The following HS3ST2 variants were observed in gnomAD, a reference collection of about 807,000 sequenced individuals.
HS3ST2 encodes heparan sulfate glucosamine 3-O-sulfotransferase 2.
In HS3ST2, 17 loss-of-function variants were observed where a neutral mutation model predicts 26.3. The observed-to-expected ratio is 0.65, with a 90% CI of 0.44 to 0.97. HS3ST2 has a LOEUF of 0.97. HS3ST2 is among the 50% of genes least tolerant of loss of function. The probability of loss-of-function intolerance (pLI) is 0.00; values close to 1 mark genes in which losing one functional copy is unlikely to be tolerated. For missense variants in HS3ST2, 402 were observed against 501.2 expected (o/e 0.80, Z 1.89); for synonymous variants, 237 against 219.2 (o/e 1.08, Z -0.72).
intron 1 of HS3ST2, among the ~76,000 whole-genome samples, chr16:22,827,395 T>C (rs1901104698): frequency 2.0e-5 from 3 of 152,196 alleles, no homozygotes. Context: ...TGATCTGACT[T>C]ACACTCTACA....
intron 1 of HS3ST2, among the ~76,000 whole-genome samples, chr16:22,820,420 G>A (rs1391486551): frequency 3.3e-5 from 5 of 152,178 alleles, no homozygotes; most frequent in African/African-American, 7.2e-5. Flanking sequence ...TGCTGATAAA[G>A]ACATACCCAA....
intron 1 of HS3ST2, among the ~76,000 whole-genome samples, chr16:22,865,040 AC>A (rs1901731165): frequency 1.6e-5 from 2 of 126,014 alleles, no homozygotes; most frequent in Non-Finnish European, 3.3e-5. Context: ...GACGAGTAAG[AC>A]CCTATCTCAA....
At chr16:22,828,563 A>T (rs764520946) in intron 1 of HS3ST2, among the ~76,000 whole-genome samples, 6 of 152,208 alleles carry the variant, frequency 3.9e-5, no homozygotes, top group Non-Finnish European at 7.3e-5. Context: ...GCCTCTTTGC[A>T]GTGTGTTTCT....
chr16:22,896,383 C>G (rs1052530376), intron 1 of HS3ST2, among the ~76,000 whole-genome samples: 7 of 152,198 alleles, frequency 4.6e-5, no homozygotes, highest in Non-Finnish European at 1.5e-5. Context: ...TTCGTTCAGA[C>G]TAGGCTGACC....
In HS3ST2 at chr16:22,814,850, C is replaced by T; in HGVS notation, c.240C>T (p.Pro80=). ...SRPCDPSGPT[P]SEPSAPSAPA... is the part of the protein sequence containing the mutation. ...CCTGTGATCCCTCCGGGCCGACGCCCAGCGAGCCCAGCGCTCCCAGCGCGC... is the reference window on the plus strand; with the variant it reads ...CCTGTGATCCCTCCGGGCCGACGCCTAGCGAGCCCAGCGCTCCCAGCGCGC... The change falls in exon 1 of 2, where the codon CCC becomes CCT. Residue 80 remains proline, a synonymous_variant. Transcript: ENST00000261374. The T allele has an allele frequency of 1.3e-6, 2 of 1,562,304 alleles. No homozygotes were observed. Among genetic ancestry groups the T allele is most frequent in the Non-Finnish European group, 1.7e-6 (2 of 1,154,126 alleles).
chr16:22,830,114 CTCGCTGTAGG>C lies in HS3ST2; in HGVS notation c.485+15020_485+15029del, dbSNP rs879440589. Among the ~76,000 whole-genome samples the C allele has an allele frequency of 7.0e-3, 1,070 of 152,308 alleles. 10 individuals are homozygous for C. Among genetic ancestry groups the C allele is most frequent in the South Asian group, 0.013 (64 of 4,818 alleles). On this transcript the variant is annotated intron_variant, in intron 1 of 1. Transcript: ENST00000261374. ...TGTCATTCATGTACATGCCCACAGACTCGCTGTAGGATGTTGAGTTTGTGATGCTGTCACT... is the reference window on the plus strand; with the variant it reads ...TGTCATTCATGTACATGCCCACAGACATGTTGAGTTTGTGATGCTGTCACT...
At chr16:22,896,975 T>C (rs149064109) in intron 1 of HS3ST2, among the ~76,000 whole-genome samples, 1,547 of 151,542 alleles carry the variant, frequency 0.01, 26 homozygotes, top group African/African-American at 0.033. Context: ...GCCTGGCTAA[T>C]TTTTGTATTT....
At chr16:22,846,895 A>G (rs868706086) in intron 1 of HS3ST2, among the ~76,000 whole-genome samples, 4 of 152,228 alleles carry the variant, frequency 2.6e-5, no homozygotes, top group Non-Finnish European at 5.9e-5. Flanking sequence ...GTCAGGATAC[A>G]AAAGTGGGGA....
At position 22,904,788 on chromosome 16, in the gene HS3ST2, C is replaced by T. The variant is rs531259290; in HGVS notation, c.486-10156C>T. On this transcript the variant is annotated intron_variant, in intron 1 of 1. Coordinates refer to ENST00000261374, the MANE Select transcript of HS3ST2 (RefSeq NM_006043.2). ...GGTAAAGACTCTATCTTGTGAGCAA[C>T]GAGAATGGTCGCTGGAGTATGAGCT... 5.9e-5 allele frequency among the ~76,000 whole-genome samples: 9 copies of T among 152,264 alleles called. No individual in the cohort carries two copies. The East Asian group carries it at 1.2e-3, about 20-fold the overall frequency.
At chr16:22,878,594 G>A (rs954770054) in intron 1 of HS3ST2, among the ~76,000 whole-genome samples, 3 of 151,040 alleles carry the variant, frequency 2.0e-5, no homozygotes, top group East Asian at 2.0e-4. Context: ...GATATGAAGC[G>A]GGGGCCTAAC....
intron 1 of HS3ST2, among the ~76,000 whole-genome samples, chr16:22,895,996 G>C (rs1215603618): frequency 6.6e-6 from 1 of 150,802 alleles, no homozygotes; most frequent in African/African-American, 2.4e-5. Context: ...TTTTTTAAGA[G>C]AGAAAGGGTC....
chr16:22,866,192 G>A (rs1901746703), intron 1 of HS3ST2, among the ~76,000 whole-genome samples: 1 of 148,020 alleles, frequency 6.8e-6, no homozygotes, highest in Non-Finnish European at 1.5e-5. Flanking sequence ...ATCTTGAAGA[G>A]AAGTCATTGT....
intron 1 of HS3ST2, among the ~76,000 whole-genome samples, chr16:22,895,087 GTTGT>G (rs1902190726): frequency 1.1e-5 from 1 of 90,578 alleles, no homozygotes; most frequent in African/African-American, 4.1e-5. Flanking sequence ...TTTTTTTTTT[GTTGT>G]TTGTTTGTTT....
At chr16:22,874,412 T>C (rs983004105) in intron 1 of HS3ST2, among the ~76,000 whole-genome samples, 2 of 152,218 alleles carry the variant, frequency 1.3e-5, no homozygotes, top group Non-Finnish European at 2.9e-5. Flanking sequence ...GTGGAATTTC[T>C]TCACTGGCAA....
intron 1 of HS3ST2, among the ~76,000 whole-genome samples, chr16:22,835,138 G>C (rs566742149): frequency 5.3e-5 from 8 of 151,774 alleles, no homozygotes; most frequent in Non-Finnish European, 1.2e-4. Context: ...TTATGTATTC[G>C]ATTATCAACA....
chr16:22,869,232 G>A (rs1901798812), intron 1 of HS3ST2, among the ~76,000 whole-genome samples: 1 of 152,116 alleles, frequency 6.6e-6, no homozygotes, highest in African/African-American at 2.4e-5. Context: ...AAATCTTTGA[G>A]CAAAAGGTCT....
intron 1 of HS3ST2, among the ~76,000 whole-genome samples, chr16:22,826,670 T>C (rs1159835302): frequency 2.6e-5 from 4 of 152,336 alleles, no homozygotes; most frequent in African/African-American, 7.2e-5. Context: ...GTTGAGTGAA[T>C]ACTCTTAGCA....
chr16:22,900,818 G>A (rs185145668), intron 1 of HS3ST2, among the ~76,000 whole-genome samples: 42 of 152,206 alleles, frequency 2.8e-4, no homozygotes, highest in African/African-American at 7.7e-4. Flanking sequence ...GGTTGTGTTC[G>A]GAGAGTACCG....
At position 22,877,919 on chromosome 16, in the gene HS3ST2, G is replaced by A. The variant is rs372310648; in HGVS notation, c.486-37025G>A. Among the ~76,000 whole-genome samples the A allele has an allele frequency of 2.6e-5, 4 of 152,256 alleles. No individual in the cohort carries two copies. The South Asian group carries it at 6.2e-4, about 24-fold the overall frequency. On this transcript the variant is annotated intron_variant, in intron 1 of 1. Coordinates refer to ENST00000261374, the MANE Select transcript of HS3ST2 (RefSeq NM_006043.2). ...TTCTTGCATAGAGGGGGATAATGAG[G>A]GCTTCTTGGAGGAAGTGATGCTGGT...
Sources: gnomAD v4.1 joint callset for allele counts (sites outside exome capture counted in the v4.1 genomes callset) on GRCh38, gnomAD v4.1.1 for gene constraint, MANE v1.5 for transcripts, NCBI Gene and HGNC (gene_info 2026-07-23, HGNC 2026-07-21) for gene names.